EFNA5: variants seen among roughly 807,000 people sequenced by gnomAD.
EFNA5 encodes the protein ephrin-A5.
In EFNA5, 5 loss-of-function variants were observed where a neutral mutation model predicts 22.9. That is an observed-to-expected ratio of 0.22 (90% CI 0.11 to 0.46). The LOEUF (loss-of-function observed/expected upper bound fraction) is 0.46, where lower values mean the gene tolerates loss of function less well. EFNA5 is among the 20% of genes least tolerant of loss of function. EFNA5 has a pLI of 0.99. For missense variants in EFNA5, 237 were observed against 293.3 expected, an observed-to-expected ratio of 0.81 and a Z score of 1.40; for synonymous variants, 113 against 112.2, an observed-to-expected ratio of 1.01 and a Z score of -0.04.
At chr5:107,487,549 T>A (rs1300499758) in intron 1 of EFNA5, among the ~76,000 whole-genome samples, 2 of 151,928 alleles carry the variant, frequency 1.3e-5, no homozygotes, top group Non-Finnish European at 2.9e-5. Flanking sequence ...AGGGGCAGAG[T>A]AGAGGTTTGT....
chr5:107,491,893 G>A (rs1197144175), intron 1 of EFNA5, among the ~76,000 whole-genome samples: 1 of 152,080 alleles, frequency 6.6e-6, no homozygotes, highest in Admixed American at 6.5e-5. Context: ...AGTGTGCAGT[G>A]GTGCAATCTC....
intron 1 of EFNA5, among the ~76,000 whole-genome samples, chr5:107,469,321 T>C (rs1229396337): frequency 2.0e-5 from 3 of 152,106 alleles, no homozygotes; most frequent in South Asian, 4.1e-4. Flanking sequence ...AAATAGATCC[T>C]CAAATGCCCT....
intron 1 of EFNA5, among the ~76,000 whole-genome samples, chr5:107,482,850 CTCTCTCTCTCTCTCTCTCTCTATATA>C (rs1561406347): frequency 6.0e-4 from 40 of 66,996 alleles, no homozygotes; most frequent in African/African-American, 1.8e-3. Flanking sequence ...CTCTCTCTCT[CTCTCTCTCTCTCTCTCTCTCTATATA>C]TATATATATA....
intron 1 of EFNA5, among the ~76,000 whole-genome samples, chr5:107,574,409 C>A (rs189512987): frequency 1.3e-5 from 2 of 152,244 alleles, no homozygotes; most frequent in Non-Finnish European, 2.9e-5. Flanking sequence ...CAAACCCCCT[C>A]AGATTAAACT....
chr5:107,431,646 C>G (rs980466347), intron 1 of EFNA5, among the ~76,000 whole-genome samples: 6 of 152,158 alleles, frequency 3.9e-5, no homozygotes, highest in Admixed American at 3.3e-4. Context: ...AAGCTCTTCA[C>G]TTTTCCATTT....
intron 2 of EFNA5, among the ~76,000 whole-genome samples, chr5:107,410,022 CTTTTTTTTTTT>C (rs70996956): frequency 9.1e-5 from 8 of 88,002 alleles, no homozygotes; most frequent in African/African-American, 3.5e-4. Flanking sequence ...TGACATGATT[CTTTTTTTTTTT>C]TTTTTTTTTT....
At chr5:107,440,881 G>A (rs986197699) in intron 1 of EFNA5, among the ~76,000 whole-genome samples, 7 of 152,000 alleles carry the variant, frequency 4.6e-5, no homozygotes, top group African/African-American at 1.5e-4. Flanking sequence ...AATATAGCAC[G>A]TCAATTGATT....
intron 1 of EFNA5, among the ~76,000 whole-genome samples, chr5:107,444,774 A>T (rs1002154915): frequency 6.6e-6 from 1 of 152,134 alleles, no homozygotes; most frequent in Non-Finnish European, 1.5e-5. Context: ...TACTATGAAA[A>T]CTGGCAAAAG....
At chr5:107,642,462 T>TA (rs752015344) in intron 1 of EFNA5, among the ~76,000 whole-genome samples, 1,466 of 70,708 alleles carry the variant, frequency 0.021, 7 homozygotes, top group Non-Finnish European at 0.026. Flanking sequence ...TTTTGTCAAC[T>TA]AAAAAAAAAA....
intron 1 of EFNA5, among the ~76,000 whole-genome samples, chr5:107,569,547 G>GTATATATATATTTATATATATATA (rs1339649964): frequency 9.6e-6 from 1 of 104,422 alleles, no homozygotes; most frequent in African/African-American, 3.1e-5. Flanking sequence ...ATATATGTGT[G>GTATATATATATTTATATATATATA]TATATATATA....
intron 1 of EFNA5, among the ~76,000 whole-genome samples, chr5:107,571,178 C>A (rs908264958): frequency 6.6e-6 from 1 of 152,186 alleles, no homozygotes; most frequent in Non-Finnish European, 1.5e-5. Context: ...AAAAAGATAT[C>A]CGAAGCATCA....
rs76071666 is a variant in EFNA5, at chr5:107,603,861, G to A, written c.125+66628C>T. On this transcript the variant is annotated intron_variant, in intron 1 of 4. Transcript: ENST00000333274. ...CTTTATATGTATAGCTTTACAGAACGGCAATGTGGTTCCTGCTCATAGAAC... is the reference window on the plus strand; with the variant it reads ...CTTTATATGTATAGCTTTACAGAACAGCAATGTGGTTCCTGCTCATAGAAC... Among the ~76,000 whole-genome samples the A allele has an allele frequency of 1.6e-4, 25 of 152,260 alleles. 1 individual carries two copies. The East Asian group carries it at 3.5e-3, about 21-fold the overall frequency.
At position 107,658,087 on chromosome 5, in the gene EFNA5, T is replaced by C. The variant is rs373309509; in HGVS notation, c.125+12402A>G. The stretch of plus-strand genomic sequence containing the variant: ...CAGAAAGAACGCATTTTGTCCCAAG[T>C]CTTTTATAACTCCATTGAAATTACA... On this transcript the variant is annotated intron_variant, in intron 1 of 4. Transcript: ENST00000333274. 6.6e-5 allele frequency among the ~76,000 whole-genome samples: 10 copies of C among 152,258 alleles called. No homozygotes were observed. The East Asian group carries it at 7.7e-4, about 12-fold the overall frequency.
intron 2 of EFNA5, among the ~76,000 whole-genome samples, chr5:107,394,676 A>G (rs1747875398): frequency 6.6e-6 from 1 of 152,170 alleles, no homozygotes; most frequent in African/African-American, 2.4e-5. Flanking sequence ...CCTTAAGGCA[A>G]AGTTCTCACT....
At chr5:107,461,398 C>A (rs1749830835) in intron 1 of EFNA5, among the ~76,000 whole-genome samples, 1 of 152,104 alleles carries the variant, frequency 6.6e-6, no homozygotes, top group South Asian at 2.1e-4. Context: ...CTTAGTAAGT[C>A]ACTGAGTTCA....
intron 1 of EFNA5, among the ~76,000 whole-genome samples, chr5:107,503,735 G>A (rs1277482894): frequency 6.6e-6 from 1 of 152,074 alleles, no homozygotes; most frequent in Non-Finnish European, 1.5e-5. Flanking sequence ...GCTATCAGCA[G>A]TCACTTTAAA....
chr5:107,549,376 A>T (rs1249925800), intron 1 of EFNA5, among the ~76,000 whole-genome samples: 1 of 152,202 alleles, frequency 6.6e-6, no homozygotes, highest in African/African-American at 2.4e-5. Context: ...ATCCCCACAA[A>T]GTCTTTAAGA....
chr5:107,670,202 A>G (rs1377371476), intron 1 of EFNA5, among the ~76,000 whole-genome samples: 1 of 151,394 alleles, frequency 6.6e-6, no homozygotes, highest in Admixed American at 6.6e-5. Flanking sequence ...AGAAGTCCCT[A>G]CTCCCCGGCT....
chr5:107,386,303 G>T (rs559326164), intron 4 of EFNA5, among the ~76,000 whole-genome samples: 1 of 151,850 alleles, frequency 6.6e-6, no homozygotes, highest in African/African-American at 2.4e-5. Context: ...GGGGAGAAGA[G>T]GACACCACAG....
Sources: gnomAD v4.1 joint callset for allele counts (sites outside exome capture counted in the v4.1 genomes callset) on GRCh38, gnomAD v4.1.1 for gene constraint, MANE v1.5 for transcripts, NCBI Gene and HGNC (gene_info 2026-07-23, HGNC 2026-07-21) for gene names.